UNC5C: variants seen among roughly 807,000 people sequenced by gnomAD.
UNC5C encodes unc-5 netrin receptor C, also known as netrin receptor UNC5C.
A neutral mutation model predicts 99.8 loss-of-function variants in UNC5C; 47 were observed. The ratio of observed to expected loss-of-function variants is 0.47; its 90% CI spans 0.37 to 0.60. The LOEUF is 0.60. Among genes scored for constraint, UNC5C ranks in the 20% least tolerant of loss-of-function variants. The pLI is 0.00. For synonymous variants in UNC5C, 487 were observed against 452.2 expected, an observed-to-expected ratio of 1.08 and a Z score of -0.98; for missense variants, 1,062 against 1,165.9, an observed-to-expected ratio of 0.91 and a Z score of 1.30.
chr4:95,260,886 G>A (rs995967123), intron 4 of UNC5C, among the ~76,000 whole-genome samples: 3 of 152,186 alleles, frequency 2.0e-5, no homozygotes, highest in Non-Finnish European at 4.4e-5. Context: ...GGTCCCCAGC[G>A]AGGTGCTTTG....
chr4:95,173,031 G>T (rs1048524377), intron 14 of UNC5C, among the ~76,000 whole-genome samples: 1 of 151,852 alleles, frequency 6.6e-6, no homozygotes, highest in Admixed American at 6.6e-5. Flanking sequence ...TCATGATTTG[G>T]CCCTCTGTTT....
chr4:95,341,352 A>G (rs912651494), intron 1 of UNC5C, among the ~76,000 whole-genome samples: 1 of 152,122 alleles, frequency 6.6e-6, no homozygotes, highest in Non-Finnish European at 1.5e-5. Flanking sequence ...CTGGCTGGCC[A>G]ATAGAAATAA....
chr4:95,255,721 T>C (rs1348323486), intron 4 of UNC5C, among the ~76,000 whole-genome samples: 1 of 152,168 alleles, frequency 6.6e-6, no homozygotes, highest in Non-Finnish European at 1.5e-5. Flanking sequence ...TTTCCCTTGA[T>C]ACTGAATCAT....
chr4:95,443,458 T>G (rs1276612816), intron 1 of UNC5C, among the ~76,000 whole-genome samples: 1 of 152,230 alleles, frequency 6.6e-6, no homozygotes, highest in Non-Finnish European at 1.5e-5. Context: ...TTTCTTCAAA[T>G]GACTGAGGGT....
intron 3 of UNC5C, among the ~76,000 whole-genome samples, chr4:95,288,098 T>TTTATTTA (rs1474255872): frequency 2.7e-5 from 1 of 37,338 alleles, no homozygotes; most frequent in Non-Finnish European, 4.9e-5. Context: ...TTATTTATTT[T>TTTATTTA]TTGAGAGGGA....
At chr4:95,460,416 G>T (rs1305538412) in intron 1 of UNC5C, among the ~76,000 whole-genome samples, 3 of 152,116 alleles carry the variant, frequency 2.0e-5, no homozygotes, top group Admixed American at 1.3e-4. Flanking sequence ...AAGTCATCTT[G>T]AATTGTAGCT....
At chr4:95,294,663 C>T (rs976007606) in intron 3 of UNC5C, among the ~76,000 whole-genome samples, 1 of 152,122 alleles carries the variant, frequency 6.6e-6, no homozygotes, top group Admixed American at 6.5e-5. Context: ...GAATTTCAAC[C>T]TCTAGGATTG....
intron 1 of UNC5C, among the ~76,000 whole-genome samples, chr4:95,520,851 CG>C (rs941181988): frequency 6.6e-6 from 1 of 152,006 alleles, no homozygotes; most frequent in African/African-American, 2.4e-5. Context: ...CCACCCGCCT[CG>C]GCCCCCAAAG....
In UNC5C at chr4:95,283,201, C is replaced by T. The variant is rs527783131; in HGVS notation, c.491-4839G>A. Among the ~76,000 whole-genome samples, 4 of 152,248 alleles carry T rather than the reference C, an allele frequency of 2.6e-5. No homozygotes were observed. The South Asian group carries it at 8.3e-4, about 32-fold the overall frequency. On this transcript the variant is annotated intron_variant, in intron 3 of 15. Transcript: ENST00000453304. ...TTTTCTAATTCTTGCCATATAAAGG[C>T]ACATTTTATGTAGGCCCTTATTTCC...
chr4:95,321,270 A>G (rs1332077669), intron 2 of UNC5C, among the ~76,000 whole-genome samples: 1 of 152,192 alleles, frequency 6.6e-6, no homozygotes, highest in Non-Finnish European at 1.5e-5. Flanking sequence ...AAAATGAACA[A>G]ATAACAATAA....
At chr4:95,309,201 AAT>A (rs1742181463) in intron 2 of UNC5C, among the ~76,000 whole-genome samples, 2 of 152,202 alleles carry the variant, frequency 1.3e-5, no homozygotes, top group African/African-American at 4.8e-5. Flanking sequence ...CTCTTCAATA[AAT>A]AGTGTTGGGA....
intron 1 of UNC5C, among the ~76,000 whole-genome samples, chr4:95,341,073 T>C (rs143581657): frequency 5.7e-4 from 86 of 152,194 alleles, no homozygotes; most frequent in Non-Finnish European, 6.8e-4. Context: ...TCACAGAAGA[T>C]AGAATTTGAC....
At chr4:95,517,610 G>A (rs1722250354) in intron 1 of UNC5C, among the ~76,000 whole-genome samples, 1 of 152,100 alleles carries the variant, frequency 6.6e-6, no homozygotes, top group South Asian at 2.1e-4. Context: ...ACTCTTCCAG[G>A]TTGGGATTAC....
chr4:95,176,117 T>C (rs1236139632), intron 14 of UNC5C, among the ~76,000 whole-genome samples: 1 of 151,012 alleles, frequency 6.6e-6, no homozygotes, highest in Non-Finnish European at 1.5e-5. Flanking sequence ...CACTTCTCTG[T>C]ATTGGTTATT....
At chr4:95,307,257 A>C (rs1742093236) in intron 2 of UNC5C, among the ~76,000 whole-genome samples, 1 of 152,054 alleles carries the variant, frequency 6.6e-6, no homozygotes, top group Non-Finnish European at 1.5e-5. Context: ...TTAAATTTTT[A>C]ATATAATGTT....
chr4:95,259,019 C>T (rs1740119931), intron 4 of UNC5C, among the ~76,000 whole-genome samples: 1 of 151,750 alleles, frequency 6.6e-6, no homozygotes, highest in Non-Finnish European at 1.5e-5. Context: ...CCTCGGCCTC[C>T]CAAAGTGCTG....
chr4:95,221,659 T>C (rs1240239997), intron 7 of UNC5C, among the ~76,000 whole-genome samples: 1 of 152,230 alleles, frequency 6.6e-6, no homozygotes, highest in Non-Finnish European at 1.5e-5. Flanking sequence ...CACTTTCCCA[T>C]CAATCAAGTC....
intron 1 of UNC5C, among the ~76,000 whole-genome samples, chr4:95,458,110 A>G (rs966952239): frequency 1.3e-4 from 20 of 152,116 alleles, no homozygotes; most frequent in African/African-American, 4.3e-4. Context: ...CATAATTTCA[A>G]TGCAAGTTTA....
chr4:95,434,677 CGCTTGGTTTCTGGCAAGTA>C (rs1746725995), intron 1 of UNC5C, among the ~76,000 whole-genome samples: 1 of 152,058 alleles, frequency 6.6e-6, no homozygotes, highest in African/African-American at 2.4e-5. Flanking sequence ...GAGTGACTCT[CGCTTGGTTTCTGGCAAGTA>C]AAATCTAGGA....
Sources: gnomAD v4.1 joint callset for allele counts (sites outside exome capture counted in the v4.1 genomes callset) on GRCh38, gnomAD v4.1.1 for gene constraint, MANE v1.5 for transcripts, NCBI Gene and HGNC (gene_info 2026-07-23, HGNC 2026-07-21) for gene names.